HPD: variants seen among roughly 807,000 people sequenced by gnomAD.
HPD encodes 4-hydroxyphenylpyruvic acid oxidase.
HPD carries 35 observed loss-of-function variants against 56.9 expected under a neutral mutation model. The observed-to-expected ratio is 0.62, with a 90% CI of 0.47 to 0.82. HPD has a LOEUF of 0.82. Ranked by LOEUF, HPD falls within the 40% of genes least tolerant of loss-of-function variation. The pLI is 0.00. For synonymous variants in HPD, 186 were observed against 200.2 expected, an observed-to-expected ratio of 0.93 and a Z score of 0.60; for missense variants, 442 against 506.8, an observed-to-expected ratio of 0.87 and a Z score of 1.23.
At chr12:121,862,383 C>T (rs1204010476), upstream of HPD, among the ~76,000 whole-genome samples, 4 of 151,528 alleles carry the variant, frequency 2.6e-5, no homozygotes, top group Non-Finnish European at 5.9e-5. Context: ...TTACAACCTC[C>T]GCCTCCCAGG....
chr12:121,867,955 C>T (rs1205414829), upstream of HPD, among the ~76,000 whole-genome samples: 2 of 152,166 alleles, frequency 1.3e-5, no homozygotes, highest in African/African-American at 4.8e-5. Flanking sequence ...TAGGTGTGAG[C>T]CACAGTGCCC....
At chr12:121,884,474 A>C in the HPD span, among the ~76,000 whole-genome samples, 2 of 150,476 alleles carry the variant, frequency 1.3e-5, no homozygotes. Flanking sequence ...TCCGCTAATT[A>C]ATTTTTTTTT....
chr12:121,876,986 A>G, the HPD span, among the ~76,000 whole-genome samples: 1 of 151,252 alleles, frequency 6.6e-6, no homozygotes, highest in African/African-American at 2.4e-5. Flanking sequence ...CCCAGCTACA[A>G]GGGAGGCTGA....
rs868280090 is a variant in HPD at position 121,849,007 on chromosome 12, G to C, written c.588C>G (p.Ala196=). ...GNQPDQEMVS[A]SEWYLKNLQF... ...GAGGGCCAAGGTCTCACCATTCGGA[G>C]GCGGACACCATCTCCTGATCAGGCT... Residue 196 remains alanine, a synonymous_variant, in exon 9 of 14, where the codon GCC becomes GCG. Transcript: ENST00000289004. 6.2e-7 allele frequency: 1 copy of C among 1,613,230 alleles called. No homozygotes were observed. The highest frequency in any genetic ancestry group is 1.7e-4 in the Middle Eastern group (1 of 5,982).
chr12:121,859,126 T>C (rs2596143), upstream of HPD: 61,266 of 475,752 alleles, frequency 0.13, 4,954 homozygotes, highest in African/African-American at 0.26. Flanking sequence ...TGACCATTAC[T>C]GCCCAGAATC....
chr12:121,862,144 C>G (rs145864388), upstream of HPD, among the ~76,000 whole-genome samples: 60 of 152,264 alleles, frequency 3.9e-4, no homozygotes, highest in African/African-American at 1.4e-3. Context: ...ACTCTAGGAC[C>G]CTGGCAGATT....
chr12:121,882,203 G>A, the HPD span, among the ~76,000 whole-genome samples: 4 of 152,024 alleles, frequency 2.6e-5, no homozygotes, highest in Non-Finnish European at 5.9e-5. Context: ...AACGAGGGGA[G>A]GATTTGTCGT....
chr12:121,857,649 G>A lies in HPD; in HGVS notation c.93+108C>T, dbSNP rs1171498177. 4 of 1,026,510 alleles carry A rather than the reference G, an allele frequency of 3.9e-6. No homozygotes were observed. In the East Asian group the frequency reaches 9.7e-5, roughly 25 times the overall value. The allele number at this position is 1,026,510 out of a possible 1,614,324, so 63.6% of individuals were successfully genotyped here. On this transcript the variant is annotated intron_variant, in intron 3 of 13. Transcript: ENST00000289004. ...AGAGTATCTGGCCCACCCCTGGCCT[G>A]ATCCTCCCTCCCAAGGGCCAATCAC...
chr12:121,854,922 C>A lies in HPD; in HGVS notation c.325-130G>T, dbSNP rs1397530544. ...CAGTTTCTCCAGCCCCAGGTAGGAA[C>A]CCCAGCCAGCTTCAGCCATTACCCC... is the stretch of plus-strand genomic sequence containing the variant. On this transcript the variant is annotated intron_variant, in intron 6 of 13. Transcript: ENST00000289004. 12 of 734,034 alleles carry A rather than the reference C, an allele frequency of 1.6e-5. No homozygotes were observed. The African/African-American group carries it at 1.7e-4, about 11-fold the overall frequency. The allele number at this position is 734,034 out of a possible 1,614,324, so 45.5% of individuals were successfully genotyped here. A position where few individuals can be genotyped will look rare whatever the true frequency, so the allele number is the denominator to read the frequency against.
At chr12:121,887,690 C>T in the HPD span, among the ~76,000 whole-genome samples, 51 of 152,294 alleles carry the variant, frequency 3.3e-4, no homozygotes, top group Non-Finnish European at 6.3e-4. Flanking sequence ...TTAGTTGATG[C>T]ACATCTTTAG....
chr12:121,854,877 C>T (rs533107597), intron 6 of HPD, 85 bp from the exon 7 acceptor site: 24 of 1,053,980 alleles, frequency 2.3e-5, no homozygotes, highest in African/African-American at 1.7e-4. Flanking sequence ...GTGGCCTCTG[C>T]GTGGTCCTGC....
Position 121,845,619 on chromosome 12 carries a change from AAG to A in HPD, c.831+1241_831+1242del, listed in dbSNP as rs1409261291. Among the ~76,000 whole-genome samples the A allele has an allele frequency of 2.0e-5, 3 of 151,010 alleles. No individual in the cohort carries two copies. In the East Asian group the frequency reaches 5.8e-4, roughly 29 times the overall value. On this transcript the variant is annotated intron_variant, in intron 11 of 13. Coordinates refer to ENST00000289004, the MANE Select transcript of HPD (RefSeq NM_002150.3). ...CCGTCTCAAAAAAAAAAAAAAAAAA[AAG>A]GATGAGGTCTTACTATGTTGCCCAC...
At chr12:121,878,494 G>T in the HPD span, among the ~76,000 whole-genome samples, 9 of 151,866 alleles carry the variant, frequency 5.9e-5, 1 homozygote, top group South Asian at 1.7e-3. Context: ...GATTACAGGC[G>T]TACGCCACCA....
chr12:121,875,749 A>G, the HPD span, among the ~76,000 whole-genome samples: 1 of 152,180 alleles, frequency 6.6e-6, no homozygotes, highest in African/African-American at 2.4e-5. Context: ...TCGAGTATCA[A>G]CATGAAGTCA....
intron 12 of HPD, 149 bp downstream of exon 12, chr12:121,843,561 C>T (rs1254774970): frequency 3.4e-6 from 3 of 884,356 alleles, no homozygotes; most frequent in Non-Finnish European, 5.4e-6. Context: ...TCATCTGTCT[C>T]CTCCTCCCAC....
chr12:121,870,925 G>A, the HPD span, among the ~76,000 whole-genome samples: 1 of 152,052 alleles, frequency 6.6e-6, no homozygotes, highest in African/African-American at 2.4e-5. Context: ...GAGATGCAAC[G>A]TGATCAGAAC....
chr12:121,844,719 T>C (rs960463168), intron 11 of HPD, among the ~76,000 whole-genome samples: 3 of 149,628 alleles, frequency 2.0e-5, no homozygotes, highest in Non-Finnish European at 4.5e-5. Context: ...CTACTAAAAA[T>C]ACAAAAAAAA....
At position 121,853,284 on chromosome 12, in the gene HPD, AC is replaced by A. The variant is rs1242345765; in HGVS notation, c.414+1418del. On this transcript the variant is annotated intron_variant, in intron 7 of 13. Coordinates refer to ENST00000289004, the MANE Select transcript of HPD (RefSeq NM_002150.3). ...GTAGCAAACCACCATGCATGCGTTT[AC>A]CTATGTAACAAACTTGAACATCCAG... Among the ~76,000 whole-genome samples the A allele has an allele frequency of 2.0e-5, 3 of 152,226 alleles. No individual in the cohort carries two copies. The East Asian group carries it at 5.8e-4, about 29-fold the overall frequency.
chr12:121,845,369 G>A (rs1171722877), intron 11 of HPD, among the ~76,000 whole-genome samples: 2 of 149,380 alleles, frequency 1.3e-5, no homozygotes, highest in Non-Finnish European at 1.5e-5. Flanking sequence ...GGCCAAGGTG[G>A]GCAGATCACA....
Sources: gnomAD v4.1 joint callset for allele counts (sites outside exome capture counted in the v4.1 genomes callset) on GRCh38, gnomAD v4.1.1 for gene constraint, MANE v1.5 for transcripts, NCBI Gene and HGNC (gene_info 2026-07-23, HGNC 2026-07-21) for gene names.